CREB5: variants seen among roughly 807,000 people sequenced by gnomAD.
The protein encoded by CREB5 is cyclic AMP-responsive element-binding protein 5.
A neutral mutation model predicts 57.1 loss-of-function variants in CREB5; 19 were observed. That is an observed-to-expected ratio of 0.33 (90% CI 0.23 to 0.49). The LOEUF is 0.49. CREB5 is among the 20% of genes least tolerant of loss of function. The probability of loss-of-function intolerance (pLI) is 0.99; values close to 1 mark genes in which losing one functional copy is unlikely to be tolerated. For missense variants in CREB5, 579 were observed against 671.6 expected, an observed-to-expected ratio of 0.86 and a Z score of 1.52; for synonymous variants, 238 against 238.3, an observed-to-expected ratio of 1.00 and a Z score of 0.01.
chr7:28,804,770 C>T (rs1808609383), intron 8 of CREB5, among the ~76,000 whole-genome samples: 1 of 152,160 alleles, frequency 6.6e-6, no homozygotes, highest in Non-Finnish European at 1.5e-5. Flanking sequence ...ACTTTAAGTT[C>T]TCCAAAATCT....
chr7:28,445,555 T>TC (rs61342377), intron 1 of CREB5, among the ~76,000 whole-genome samples: 2,033 of 151,384 alleles, frequency 0.013, 25 homozygotes, highest in Middle Eastern at 0.055. Context: ...TCTTTTTCTT[T>TC]TTTTTTTTTT....
intron 5 of CREB5, among the ~76,000 whole-genome samples, chr7:28,708,765 C>T (rs759404800): frequency 2.0e-5 from 3 of 152,192 alleles, no homozygotes; most frequent in Non-Finnish European, 4.4e-5. Context: ...AAGCTCAAAC[C>T]TAAACAGAAT....
At chr7:28,387,891 C>T (rs767389801) in intron 1 of CREB5, among the ~76,000 whole-genome samples, 10 of 152,050 alleles carry the variant, frequency 6.6e-5, no homozygotes, top group South Asian at 2.1e-4. Flanking sequence ...ATTTCATATT[C>T]GTATTATTTC....
intron 1 of CREB5, among the ~76,000 whole-genome samples, chr7:28,439,394 T>A (rs1217608400): frequency 6.6e-6 from 1 of 152,202 alleles, no homozygotes; most frequent in Non-Finnish European, 1.5e-5. Flanking sequence ...CTTTCTTAAA[T>A]CTCTGCCTTT....
intron 7 of CREB5, among the ~76,000 whole-genome samples, chr7:28,800,130 T>C (rs562443614): frequency 6.6e-6 from 1 of 152,306 alleles, no homozygotes; most frequent in African/African-American, 2.4e-5. Context: ...TCAAATTATA[T>C]CGCTACAAAC....
At chr7:28,617,722 C>G (rs969137588) in intron 5 of CREB5, among the ~76,000 whole-genome samples, 1 of 152,200 alleles carries the variant, frequency 6.6e-6, no homozygotes, top group African/African-American at 2.4e-5. Flanking sequence ...TGTTATGAAA[C>G]AACCTTAAAG....
In CREB5 at chr7:28,680,358, A is replaced by G. The variant is rs1043366982; in HGVS notation, c.465-38395A>G. ...TGCTCTGAGCCAGTCTTGATCAGCT[A>G]CTATGCCTTGTCTTGGCTCCACTCA... On this transcript the variant is annotated intron_variant, in intron 5 of 10. Coordinates refer to ENST00000357727, the MANE Select transcript of CREB5 (RefSeq NM_182898.4). Among the ~76,000 whole-genome samples the G allele has an allele frequency of 4.6e-5, 7 of 152,312 alleles. No homozygotes were observed. The South Asian group carries it at 1.0e-3, about 23-fold the overall frequency.
rs1809723195 is a variant in CREB5, at chr7:28,820,805, G to A, written c.*1526G>A. On this transcript the variant is annotated 3_prime_UTR_variant, in exon 11 of 11. Transcript: ENST00000357727. ...ACTTTTATTTTAAAATAAAAGATGA[G>A]GTCTGTCTTATGTTGCCCAGGCTGG... is the stretch of plus-strand genomic sequence containing the variant. 6.6e-6 allele frequency: 1 copy of A among 152,044 alleles called. No individual in the cohort carries two copies. Among genetic ancestry groups the A allele is most frequent in the Admixed American group, 6.6e-5 (1 of 15,246 alleles). 9.4% of individuals were successfully genotyped at this position (152,044 alleles called of 1,614,324 possible).
At position 28,642,979 on chromosome 7, in the gene CREB5, C is replaced by CACACACACACAT. The variant is rs1562544714; in HGVS notation, c.464+72449_464+72450insCACATACACACA. ...ACACACACACACACACACACACACA[C>CACACACACACAT]ACACACATACACACACACACACACA... On this transcript the variant is annotated intron_variant, in intron 5 of 10. Transcript: ENST00000357727. 4.4e-3 allele frequency among the ~76,000 whole-genome samples: 445 copies of CACACACACACAT among 101,126 alleles called. 3 individuals are homozygous for CACACACACACAT. The highest frequency in any genetic ancestry group is 0.015 in the African/African-American group (415 of 28,120). The allele number at this position is 101,126 out of a possible 152,430, so 66.3% of individuals were successfully genotyped here.
At chr7:28,408,851 C>T (rs775510170), upstream of CREB5, among the ~76,000 whole-genome samples, 1 of 152,066 alleles carries the variant, frequency 6.6e-6, no homozygotes, top group African/African-American at 2.4e-5. Flanking sequence ...ATGACTGTCG[C>T]AAGCAAAAAG....
At chr7:28,613,799 C>T (rs1382098394) in intron 5 of CREB5, among the ~76,000 whole-genome samples, 2 of 152,116 alleles carry the variant, frequency 1.3e-5, no homozygotes, top group Non-Finnish European at 2.9e-5. Flanking sequence ...CAAATGGGTT[C>T]AGGGTGGCTT....
intron 5 of CREB5, among the ~76,000 whole-genome samples, chr7:28,601,927 A>G (rs1796933063): frequency 6.6e-6 from 1 of 152,076 alleles, no homozygotes; most frequent in Admixed American, 6.5e-5. Context: ...AGCTTTTGCT[A>G]GAGGTTTTTC....
chr7:28,405,442 C>T (rs1787557876), intron 1 of CREB5, among the ~76,000 whole-genome samples: 1 of 152,144 alleles, frequency 6.6e-6, no homozygotes, highest in African/African-American at 2.4e-5. Context: ...AACAGGGTCT[C>T]ACTCTATCAT....
rs542067955 is a variant in CREB5, at chr7:28,499,644, C to T, written c.169+4645C>T. Among the ~76,000 whole-genome samples, 22 of 152,212 alleles carry T rather than the reference C, an allele frequency of 1.4e-4. No homozygotes were observed. In the South Asian group the frequency reaches 2.5e-3, roughly 17 times the overall value. On this transcript the variant is annotated intron_variant, in intron 3 of 10. Transcript: ENST00000357727. Reference sequence around the variant, plus strand: ...CGTTGCCCAGGCTGGAGTGCAATGGCGCTATCTCAGTTCACTGCAACCTCT... The same window carrying T: ...CGTTGCCCAGGCTGGAGTGCAATGGTGCTATCTCAGTTCACTGCAACCTCT...
At chr7:28,359,839 C>A (rs183168588) in intron 1 of CREB5, among the ~76,000 whole-genome samples, 5 of 152,188 alleles carry the variant, frequency 3.3e-5, no homozygotes, top group Admixed American at 3.3e-4. Flanking sequence ...AAGGAGTTAA[C>A]ATCCAAAATA....
At chr7:28,534,912 A>G (rs1282362139) in intron 4 of CREB5, among the ~76,000 whole-genome samples, 1 of 140,840 alleles carries the variant, frequency 7.1e-6, no homozygotes, top group East Asian at 2.0e-4. Flanking sequence ...TAATAGTTTG[A>G]CTCTGGAGTC....
chr7:28,446,025 A>G (rs1207391414), intron 1 of CREB5, among the ~76,000 whole-genome samples: 5 of 152,226 alleles, frequency 3.3e-5, no homozygotes, highest in Non-Finnish European at 7.3e-5. Flanking sequence ...TCCCTGAAGG[A>G]AGCCCTTGGA....
At chr7:28,651,773 G>C (rs1041479858) in intron 5 of CREB5, among the ~76,000 whole-genome samples, 1 of 152,032 alleles carries the variant, frequency 6.6e-6, no homozygotes, top group East Asian at 1.9e-4. Context: ...ATTACATTTT[G>C]ATTTTAATTT....
intron 1 of CREB5, among the ~76,000 whole-genome samples, chr7:28,445,776 C>T (rs1221205762): frequency 2.6e-5 from 4 of 151,714 alleles, no homozygotes; most frequent in Admixed American, 6.6e-5. Flanking sequence ...TGATCTCGAT[C>T]TTCTGACCTC....
Sources: gnomAD v4.1 joint callset for allele counts (sites outside exome capture counted in the v4.1 genomes callset) on GRCh38, gnomAD v4.1.1 for gene constraint, MANE v1.5 for transcripts, NCBI Gene and HGNC (gene_info 2026-07-23, HGNC 2026-07-21) for gene names.